ATRNL1: variants seen among roughly 807,000 people sequenced by gnomAD.
The protein encoded by ATRNL1 is attractin like 1.
A neutral mutation model predicts 182.7 loss-of-function variants in ATRNL1; 95 were observed. The observed-to-expected ratio is 0.52, with a 90% confidence interval of 0.44 to 0.62. The LOEUF is 0.62. Among genes scored for constraint, ATRNL1 ranks in the 20% least tolerant of loss-of-function variants. ATRNL1 has a pLI of 0.00. For synonymous variants in ATRNL1, 576 were observed against 568.3 expected (o/e 1.01, Z -0.19); for missense variants, 1,471 against 1,679.5 (o/e 0.88, Z 2.17).
intron 1 of ATRNL1, among the ~76,000 whole-genome samples, chr10:115,105,655 C>T (rs113402270): frequency 1.6e-4 from 24 of 152,298 alleles, no homozygotes; most frequent in African/African-American, 5.3e-4. Context: ...TGTCCCTTGT[C>T]CCAGCTGCTC....
intron 26 of ATRNL1, among the ~76,000 whole-genome samples, chr10:115,713,705 C>CT (rs1555055340): frequency 0.37 from 36,301 of 97,992 alleles, 5,137 homozygotes; most frequent in Middle Eastern, 0.4. Context: ...ATCTATCTAT[C>CT]ATCTATCTAT....
chr10:115,400,309 G>A (rs1844506070), intron 20 of ATRNL1, among the ~76,000 whole-genome samples: 1 of 152,178 alleles, frequency 6.6e-6, no homozygotes, highest in African/African-American at 2.4e-5. Context: ...TGGTCCAAGA[G>A]ACTGTAATGA....
intron 26 of ATRNL1, among the ~76,000 whole-genome samples, chr10:115,566,573 AT>A (rs1161050586): frequency 6.6e-6 from 1 of 152,160 alleles, no homozygotes; most frequent in Non-Finnish European, 1.5e-5. Context: ...GAGTTGCTAA[AT>A]GATATTACGG....
chr10:115,826,442 G>C (rs1339633295), intron 27 of ATRNL1, among the ~76,000 whole-genome samples: 1 of 152,066 alleles, frequency 6.6e-6, no homozygotes, highest in East Asian at 1.9e-4. Context: ...CCTGCAGCTC[G>C]GTGAGCTGGA....
At chr10:115,733,515 C>T (rs1312810635) in intron 27 of ATRNL1, among the ~76,000 whole-genome samples, 1 of 152,126 alleles carries the variant, frequency 6.6e-6, no homozygotes, top group Non-Finnish European at 1.5e-5. Context: ...TAAGAAACCT[C>T]GCTCCCAAGG....
At chr10:115,882,509 G>A (rs1294468933) in intron 28 of ATRNL1, among the ~76,000 whole-genome samples, 1 of 152,126 alleles carries the variant, frequency 6.6e-6, no homozygotes, top group African/African-American at 2.4e-5. Context: ...TCATTCACAT[G>A]TGCTATTTTT....
At chr10:115,816,871 T>G (rs1950177720) in intron 27 of ATRNL1, among the ~76,000 whole-genome samples, 1 of 152,160 alleles carries the variant, frequency 6.6e-6, no homozygotes, top group Admixed American at 6.6e-5. Context: ...ACAGTTGGAA[T>G]AGAATCATGT....
intron 9 of ATRNL1, among the ~76,000 whole-genome samples, chr10:115,226,390 A>G (rs1337212429): frequency 6.6e-6 from 1 of 152,088 alleles, no homozygotes; most frequent in Non-Finnish European, 1.5e-5. Context: ...TTAGTAAAAG[A>G]AAAATGATAG....
intron 8 of ATRNL1, among the ~76,000 whole-genome samples, chr10:115,205,531 T>G (rs144483714): frequency 6.6e-6 from 1 of 152,104 alleles, no homozygotes; most frequent in East Asian, 1.9e-4. Flanking sequence ...GTTTCCTGTT[T>G]TTTATTCTTG....
intron 19 of ATRNL1, among the ~76,000 whole-genome samples, chr10:115,366,296 C>T (rs1328875734): frequency 6.6e-6 from 1 of 151,674 alleles, no homozygotes; most frequent in African/African-American, 2.4e-5. Flanking sequence ...CTCTTTTGAT[C>T]TTTGTTGGTT....
At chr10:115,384,208 A>G (rs1408540880) in intron 19 of ATRNL1, among the ~76,000 whole-genome samples, 1 of 152,036 alleles carries the variant, frequency 6.6e-6, no homozygotes, top group Non-Finnish European at 1.5e-5. Context: ...TGTCATAACT[A>G]TATGTATTTT....
chr10:115,848,680 A>G (rs1183599265), intron 28 of ATRNL1, among the ~76,000 whole-genome samples: 1 of 152,174 alleles, frequency 6.6e-6, no homozygotes, highest in Non-Finnish European at 1.5e-5. Flanking sequence ...AAGCATGCTC[A>G]ATGTTGAATA....
intron 26 of ATRNL1, among the ~76,000 whole-genome samples, chr10:115,632,783 C>A (rs1377397559): frequency 1.3e-5 from 2 of 151,820 alleles, no homozygotes; most frequent in Non-Finnish European, 2.9e-5. Flanking sequence ...TTTTGGTAAG[C>A]CACAATACAT....
chr10:115,562,250 C>T (rs1455723204), intron 26 of ATRNL1, among the ~76,000 whole-genome samples: 2 of 152,048 alleles, frequency 1.3e-5, no homozygotes, highest in Non-Finnish European at 2.9e-5. Flanking sequence ...AAACATTAGG[C>T]AAATCTAAAG....
At chr10:115,774,681 G>A (rs372013052) in intron 27 of ATRNL1, among the ~76,000 whole-genome samples, 2 of 152,090 alleles carry the variant, frequency 1.3e-5, no homozygotes, top group East Asian at 1.9e-4. Context: ...AATAAGATAC[G>A]TATTCTCTAT....
intron 27 of ATRNL1, among the ~76,000 whole-genome samples, chr10:115,788,311 A>T (rs1177041521): frequency 6.6e-6 from 1 of 152,196 alleles, no homozygotes; most frequent in African/African-American, 2.4e-5. Flanking sequence ...TATTTCAGTG[A>T]TGTCTTTTAT....
chr10:115,423,153 G>C (rs1431936900), intron 20 of ATRNL1, among the ~76,000 whole-genome samples: 2 of 152,112 alleles, frequency 1.3e-5, no homozygotes, highest in African/African-American at 4.8e-5. Flanking sequence ...TTCTTACCCT[G>C]ATGTCATTAT....
At chr10:115,911,559 C>T (rs1180235788) in intron 28 of ATRNL1, among the ~76,000 whole-genome samples, 1 of 152,174 alleles carries the variant, frequency 6.6e-6, no homozygotes, top group East Asian at 1.9e-4. Flanking sequence ...GGTGGTCCAC[C>T]CACCTCAGCT....
intron 24 of ATRNL1, among the ~76,000 whole-genome samples, chr10:115,474,714 C>G (rs1554972761): frequency 6.6e-6 from 1 of 151,224 alleles, no homozygotes; most frequent in African/African-American, 2.4e-5. Context: ...TATATAAACA[C>G]AAAGTAATTA....
Sources: gnomAD v4.1 joint callset for allele counts (sites outside exome capture counted in the v4.1 genomes callset) on GRCh38, gnomAD v4.1.1 for gene constraint, MANE v1.5 for transcripts, NCBI Gene and HGNC (gene_info 2026-07-23, HGNC 2026-07-21) for gene names.